AFF3: variants seen among roughly 807,000 people sequenced by gnomAD.
AFF3 encodes the protein ALF transcription elongation factor 3.
In AFF3, 32 loss-of-function variants were observed where a neutral mutation model predicts 129.7. The observed-to-expected ratio is 0.25, with a 90% CI of 0.19 to 0.33. AFF3 has a LOEUF of 0.33. AFF3 is among the 10% of genes least tolerant of loss of function. The pLI, the probability that AFF3 is intolerant of heterozygous loss-of-function variation, is 1.00. For synonymous variants in AFF3, 644 were observed against 635.4 expected, an observed-to-expected ratio of 1.01 and a Z score of -0.20; for missense variants, 1,373 against 1,592.0, an observed-to-expected ratio of 0.86 and a Z score of 2.34.
At chr2:99,853,241 C>A (rs1690278820) in intron 7 of AFF3, among the ~76,000 whole-genome samples, 1 of 152,180 alleles carries the variant, frequency 6.6e-6, no homozygotes, top group African/African-American at 2.4e-5. Context: ...AAAATAATCG[C>A]CCTGCTTGCA....
intron 21 of AFF3, 130 bp downstream of exon 21, chr2:99,560,235 G>A (rs1675344529): frequency 1.1e-6 from 1 of 932,802 alleles, no homozygotes; most frequent in Middle Eastern, 3.1e-4. Flanking sequence ...ACTTTCCCTG[G>A]TCATTAGAAC....
At chr2:99,709,484 C>T (rs190060132) in intron 11 of AFF3, among the ~76,000 whole-genome samples, 2 of 152,168 alleles carry the variant, frequency 1.3e-5, no homozygotes, top group East Asian at 3.9e-4. Flanking sequence ...TAAAACTCAC[C>T]AAGTCAGAGA....
chr2:99,918,188 T>C (rs1695609174), intron 7 of AFF3, among the ~76,000 whole-genome samples: 1 of 152,184 alleles, frequency 6.6e-6, no homozygotes, highest in Admixed American at 6.5e-5. Context: ...GCTTGCCCTT[T>C]GTATTGATGT....
intron 8 of AFF3, among the ~76,000 whole-genome samples, chr2:99,809,781 T>C (rs937209823): frequency 1.2e-4 from 18 of 152,232 alleles, no homozygotes; most frequent in African/African-American, 2.9e-4. Context: ...ATTTGTTAAC[T>C]TGCACACTTC....
chr2:100,053,367 A>G (rs35840153), intron 4 of AFF3, among the ~76,000 whole-genome samples: 22,816 of 152,288 alleles, frequency 0.15, 2,064 homozygotes, highest in East Asian at 0.29. Context: ...CTCAGTGCCA[A>G]GAGTGTGAAA....
At chr2:99,878,417 C>G (rs927575427) in intron 7 of AFF3, among the ~76,000 whole-genome samples, 1 of 152,124 alleles carries the variant, frequency 6.6e-6, no homozygotes, top group Non-Finnish European at 1.5e-5. Flanking sequence ...CTTATTGGGA[C>G]ACACTAAGAG....
chr2:100,014,802 T>TTTTTTG (rs1682855504), intron 4 of AFF3, among the ~76,000 whole-genome samples: 1 of 145,606 alleles, frequency 6.9e-6, no homozygotes, highest in African/African-American at 2.7e-5. Flanking sequence ...TTTTTTTTTT[T>TTTTTTG]AGACGGAGTC....
intron 21 of AFF3, among the ~76,000 whole-genome samples, chr2:99,559,343 C>A (rs576077891): frequency 2.0e-4 from 30 of 152,330 alleles, no homozygotes; most frequent in African/African-American, 6.7e-4. Flanking sequence ...CCCCGCTCTG[C>A]GGAAAGGACG....
intron 7 of AFF3, among the ~76,000 whole-genome samples, chr2:99,845,532 C>A (rs1468868717): frequency 6.6e-6 from 1 of 152,164 alleles, no homozygotes; most frequent in Non-Finnish European, 1.5e-5. Flanking sequence ...AAAAGTACCA[C>A]AGTACTGTCT....
At chr2:99,982,375 T>C (rs1679489819) in intron 7 of AFF3, among the ~76,000 whole-genome samples, 1 of 152,200 alleles carries the variant, frequency 6.6e-6, no homozygotes. Flanking sequence ...AAGATGTGAC[T>C]TGCTCCTTCT....
chr2:99,924,041 C>T (rs151336365), intron 7 of AFF3, among the ~76,000 whole-genome samples: 174 of 152,120 alleles, frequency 1.1e-3, no homozygotes, highest in African/African-American at 3.9e-3. Context: ...TCCTATGAAT[C>T]GGCCTGCTAG....
intron 12 of AFF3, among the ~76,000 whole-genome samples, chr2:99,667,365 C>T (rs1171716912): frequency 1.3e-5 from 2 of 152,152 alleles, no homozygotes; most frequent in South Asian, 2.1e-4. Flanking sequence ...AAGTTTATAG[C>T]ATTGCTGAGA....
intron 24 of AFF3, 44 bp downstream of exon 24, chr2:99,554,267 C>G: frequency 6.2e-7 from 1 of 1,605,304 alleles, no homozygotes; most frequent in South Asian, 1.1e-5. Flanking sequence ...TCGCTTGAAC[C>G]CGGGAGGCGG....
chr2:99,886,907 C>G (rs1693153881), intron 7 of AFF3, among the ~76,000 whole-genome samples: 2 of 149,908 alleles, frequency 1.3e-5, no homozygotes, highest in African/African-American at 4.9e-5. Context: ...GTTTAAAATG[C>G]ATTGACTTCA....
chr2:99,670,709 G>A (rs1433769320), intron 12 of AFF3, among the ~76,000 whole-genome samples: 2 of 152,196 alleles, frequency 1.3e-5, no homozygotes, highest in South Asian at 2.1e-4. Context: ...ACAACTTAAT[G>A]CAATTACTGT....
chr2:99,551,153 GGTGTGTGTGTGT>G lies in AFF3; in HGVS notation c.*309_*320del, dbSNP rs71252505. The G allele has an allele frequency of 1.4e-5, 6 of 439,382 alleles. No individual in the cohort carries two copies. The highest frequency in any genetic ancestry group is 7.4e-5 in the South Asian group (1 of 13,590). The allele number at this position is 439,382 out of a possible 1,614,324, so 27.2% of individuals were successfully genotyped here. ...TGTCTGTGATTGTGTGTGAGTGTAC[GGTGTGTGTGTGT>G]GTGTGTGTGTGTGTGTGTACTTCCT... On this transcript the variant is annotated 3_prime_UTR_variant, in exon 25 of 25. Transcript: ENST00000672756.
At chr2:99,691,656 G>A (rs559364098) in intron 11 of AFF3, among the ~76,000 whole-genome samples, 2 of 152,284 alleles carry the variant, frequency 1.3e-5, no homozygotes, top group African/African-American at 2.4e-5. Context: ...TTCTTCAAAA[G>A]AGTCTTAAGT....
chr2:99,627,798 A>G (rs1682738432), intron 13 of AFF3, among the ~76,000 whole-genome samples: 2 of 152,182 alleles, frequency 1.3e-5, no homozygotes, highest in Non-Finnish European at 2.9e-5. Context: ...ATGGCTACCC[A>G]GTTTTCCCAG....
intron 11 of AFF3, among the ~76,000 whole-genome samples, chr2:99,702,560 G>A (rs1376800893): frequency 6.6e-6 from 1 of 152,038 alleles, no homozygotes; most frequent in Non-Finnish European, 1.5e-5. Flanking sequence ...GGCTGGTCTC[G>A]AACCCCTGAC....
Sources: gnomAD v4.1 joint callset for allele counts (sites outside exome capture counted in the v4.1 genomes callset) on GRCh38, gnomAD v4.1.1 for gene constraint, MANE v1.5 for transcripts, NCBI Gene and HGNC (gene_info 2026-07-23, HGNC 2026-07-21) for gene names.